The following CDKAL1 variants were observed in gnomAD, a reference collection of about 807,000 sequenced individuals.
CDKAL1 encodes threonylcarbamoyladenosine tRNA methylthiotransferase.
Under a neutral mutation model 68.2 loss-of-function variants are expected in CDKAL1, and 32 were observed. That is an observed-to-expected ratio of 0.47 (90% CI 0.35 to 0.63). CDKAL1 has a LOEUF of 0.63. Ranked by LOEUF, CDKAL1 falls within the 30% of genes least tolerant of loss-of-function variation. CDKAL1 has a pLI of 0.00. For missense variants in CDKAL1, 606 were observed against 696.7 expected (o/e 0.87, Z 1.47); for synonymous variants, 234 against 244.3 (o/e 0.96, Z 0.39).
At chr6:20,890,696 CG>C (rs1321432983) in intron 9 of CDKAL1, among the ~76,000 whole-genome samples, 4 of 152,142 alleles carry the variant, frequency 2.6e-5, no homozygotes, top group Admixed American at 2.0e-4. Flanking sequence ...TCTGCGTCAG[CG>C]GGTCTAAGAT....
intron 8 of CDKAL1, among the ~76,000 whole-genome samples, chr6:20,840,394 T>G (rs1778127264): frequency 6.6e-6 from 1 of 152,234 alleles, no homozygotes. Context: ...TAAAATATGC[T>G]GGAACAACAT....
At chr6:20,811,957 C>T (rs1439108351) in intron 8 of CDKAL1, among the ~76,000 whole-genome samples, 1 of 152,082 alleles carries the variant, frequency 6.6e-6, no homozygotes, top group Non-Finnish European at 1.5e-5. Flanking sequence ...CCTTAGATCC[C>T]TGGTCATACG....
intron 7 of CDKAL1, among the ~76,000 whole-genome samples, chr6:20,780,634 T>C (rs1268025690): frequency 6.6e-6 from 1 of 151,796 alleles, no homozygotes; most frequent in East Asian, 1.9e-4. Context: ...AGGCCCTGAA[T>C]ACAGCTGTTT....
At chr6:20,579,787 A>G (rs1459137650) in intron 4 of CDKAL1, among the ~76,000 whole-genome samples, 1 of 152,218 alleles carries the variant, frequency 6.6e-6, no homozygotes, top group Non-Finnish European at 1.5e-5. Context: ...ATGCTGGTTG[A>G]GTATTTCAAG....
At chr6:20,619,639 C>T (rs902573533) in intron 4 of CDKAL1, among the ~76,000 whole-genome samples, 3 of 152,124 alleles carry the variant, frequency 2.0e-5, no homozygotes, top group Non-Finnish European at 2.9e-5. Flanking sequence ...ATTTGACTGG[C>T]AATTCTTCCT....
At chr6:20,688,298 A>G (rs1296248821) in intron 5 of CDKAL1, among the ~76,000 whole-genome samples, 4 of 151,982 alleles carry the variant, frequency 2.6e-5, no homozygotes, top group Non-Finnish European at 1.5e-5. Context: ...ATTTTCAGTG[A>G]TTACTGCTCT....
intron 8 of CDKAL1, among the ~76,000 whole-genome samples, chr6:20,829,057 A>G (rs1049413633): frequency 2.6e-5 from 4 of 152,184 alleles, no homozygotes; most frequent in African/African-American, 7.2e-5. Flanking sequence ...GTACATATAT[A>G]GTAGTTTGTT....
chr6:20,937,524 C>T (rs1487168342), intron 9 of CDKAL1, among the ~76,000 whole-genome samples: 1 of 152,222 alleles, frequency 6.6e-6, no homozygotes, highest in Non-Finnish European at 1.5e-5. Context: ...TTTCTGGTCC[C>T]AGGTCCATCT....
intron 4 of CDKAL1, among the ~76,000 whole-genome samples, chr6:20,601,367 T>A (rs1254583009): frequency 2.0e-5 from 3 of 152,198 alleles, no homozygotes; most frequent in Admixed American, 2.0e-4. Context: ...TGCTTGACTT[T>A]GAGGATAACA....
At chr6:21,151,381 C>T (rs1582308033) in intron 13 of CDKAL1, among the ~76,000 whole-genome samples, 2 of 152,298 alleles carry the variant, frequency 1.3e-5, no homozygotes, top group African/African-American at 4.8e-5. Flanking sequence ...GGGAAGCAGT[C>T]GTGCATTCGC....
Position 21,231,434 on chromosome 6 carries a change from T to C in CDKAL1, c.*395T>C. ...CTTTAATAAACTTTTTCTTTGTTTT[T>C]TTTTTCCAGATGGAGTTTCGCTCTT... is the stretch of plus-strand genomic sequence containing the variant. On this transcript the variant is annotated 3_prime_UTR_variant, in exon 16 of 16. Transcript: ENST00000274695. 6.5e-6 allele frequency: 1 copy of C among 154,774 alleles called. No homozygotes were observed. The highest frequency in any genetic ancestry group is 1.4e-5 in the Non-Finnish European group (1 of 69,730). 9.6% of individuals were successfully genotyped at this position (154,774 alleles called of 1,614,324 possible). A position where few individuals can be genotyped will look rare whatever the true frequency, so the allele number is the denominator to read the frequency against.
At chr6:20,748,944 C>CATGTATGTGTATATATATGTGTAT (rs1561742815) in intron 6 of CDKAL1, among the ~76,000 whole-genome samples, 2 of 138,036 alleles carry the variant, frequency 1.4e-5, no homozygotes, top group African/African-American at 5.6e-5. Flanking sequence ...AAGTACTTTG[C>CATGTATGTGTATATATATGTGTAT]ATGTATGTGT....
intron 8 of CDKAL1, among the ~76,000 whole-genome samples, chr6:20,838,668 A>G (rs1778054672): frequency 6.6e-6 from 1 of 152,154 alleles, no homozygotes; most frequent in Non-Finnish European, 1.5e-5. Context: ...CAAATAGAAC[A>G]CATTGAAAAT....
intron 4 of CDKAL1, among the ~76,000 whole-genome samples, chr6:20,600,800 A>G (rs1465763858): frequency 6.7e-6 from 1 of 149,456 alleles, no homozygotes; most frequent in African/African-American, 2.5e-5. Flanking sequence ...ACACACACAC[A>G]TGAATGATAA....
At chr6:21,044,520 C>T (rs955945872) in intron 11 of CDKAL1, among the ~76,000 whole-genome samples, 2 of 152,314 alleles carry the variant, frequency 1.3e-5, no homozygotes, top group East Asian at 1.9e-4. Flanking sequence ...TCTCTAAGTT[C>T]ATAGCCCAAA....
intron 5 of CDKAL1, among the ~76,000 whole-genome samples, chr6:20,721,120 C>T (rs1254690811): frequency 8.5e-6 from 1 of 117,618 alleles, no homozygotes; most frequent in Non-Finnish European, 1.7e-5. Context: ...CCTCCCCCTA[C>T]CCCACAACAG....
chr6:20,762,857 A>G (rs1417489970), intron 7 of CDKAL1, among the ~76,000 whole-genome samples: 2 of 152,136 alleles, frequency 1.3e-5, no homozygotes, highest in Admixed American at 1.3e-4. Context: ...ACTTTCCTGT[A>G]TGTATACTCT....
At chr6:20,645,759 T>TAAATAAATAA (rs1768420170) in intron 4 of CDKAL1, among the ~76,000 whole-genome samples, 3 of 131,044 alleles carry the variant, frequency 2.3e-5, no homozygotes, top group African/African-American at 5.3e-5. Flanking sequence ...TAAATAAAAA[T>TAAATAAATAA]AAATAAATAA....
intron 9 of CDKAL1, among the ~76,000 whole-genome samples, chr6:20,860,274 T>C (rs1218534264): frequency 6.6e-6 from 1 of 152,092 alleles, no homozygotes; most frequent in Admixed American, 6.5e-5. Context: ...TGATGGGGTT[T>C]CACCATGTTG....
Sources: gnomAD v4.1 joint callset for allele counts (sites outside exome capture counted in the v4.1 genomes callset) on GRCh38, gnomAD v4.1.1 for gene constraint, MANE v1.5 for transcripts, NCBI Gene and HGNC (gene_info 2026-07-23, HGNC 2026-07-21) for gene names.